Variants in ADCY8 observed in about 807,000 individuals in gnomAD.
ADCY8 encodes adenylate cyclase type 8.
A neutral mutation model predicts 119.7 loss-of-function variants in ADCY8; 51 were observed. The observed-to-expected ratio is 0.43, with a 90% CI of 0.34 to 0.54. The LOEUF is 0.54. Ranked by LOEUF, ADCY8 falls within the 20% of genes least tolerant of loss-of-function variation. The pLI, the probability that ADCY8 is intolerant of heterozygous loss-of-function variation, is 0.03. For missense variants in ADCY8, 1,383 were observed against 1,598.8 expected (o/e 0.87, Z 2.30); for synonymous variants, 665 against 651.0 (o/e 1.02, Z -0.33).
At chr8:130,912,481 A>T (rs1283858679) in intron 5 of ADCY8, among the ~76,000 whole-genome samples, 2 of 152,222 alleles carry the variant, frequency 1.3e-5, no homozygotes, top group African/African-American at 4.8e-5. Context: ...AGCCTGGAGC[A>T]TCCTGCTTTC....
chr8:130,994,029 T>C (rs956775918), intron 1 of ADCY8, among the ~76,000 whole-genome samples: 3 of 152,246 alleles, frequency 2.0e-5, no homozygotes, highest in Non-Finnish European at 4.4e-5. Flanking sequence ...CTGAAAGCTC[T>C]GCTTTTGTCT....
chr8:130,944,825 A>G (rs1821060317), intron 3 of ADCY8, among the ~76,000 whole-genome samples: 1 of 152,190 alleles, frequency 6.6e-6, no homozygotes, highest in African/African-American at 2.4e-5. Context: ...TAGGCACTGG[A>G]CTAGAAAGTT....
intron 5 of ADCY8, among the ~76,000 whole-genome samples, chr8:130,926,867 A>T (rs1263139811): frequency 6.6e-6 from 1 of 151,876 alleles, no homozygotes; most frequent in Non-Finnish European, 1.5e-5. Context: ...ATTTTTTAAC[A>T]TAATGTCCAC....
rs974180134 is a variant in ADCY8, at chr8:130,839,737, A to G, written c.2503-3288T>C. Reference sequence around the variant, plus strand: ...CCCACAGCTCCTAAAGTGTCCCCTAAATGGATCCTGGGTATAAGGGGCTCA... The same window carrying G: ...CCCACAGCTCCTAAAGTGTCCCCTAGATGGATCCTGGGTATAAGGGGCTCA... On this transcript the variant is annotated intron_variant, in intron 11 of 17. Coordinates refer to ENST00000286355, the MANE Select transcript of ADCY8 (RefSeq NM_001115.3). Among the ~76,000 whole-genome samples, 3 of 140,086 alleles carry G rather than the reference A, an allele frequency of 2.1e-5. 1 individual carries two copies. Among genetic ancestry groups the G allele is most frequent in the East Asian group, 2.2e-4 (1 of 4,528 alleles). The allele number at this position is 140,086 out of a possible 152,430, so 91.9% of individuals were successfully genotyped here. A position where few individuals can be genotyped will look rare whatever the true frequency, so the allele number is the denominator to read the frequency against.
At chr8:130,811,510 T>C (rs1816165461) in intron 14 of ADCY8, among the ~76,000 whole-genome samples, 1 of 152,240 alleles carries the variant, frequency 6.6e-6, no homozygotes, top group African/African-American at 2.4e-5. Context: ...ATTCTTGTCC[T>C]AAGGGTTTTT....
rs532847099 is a variant in ADCY8, at chr8:130,864,595, C to T, written c.2210+3251G>A. Among the ~76,000 whole-genome samples the T allele has an allele frequency of 6.6e-5, 10 of 152,202 alleles. No homozygotes were observed. The South Asian group carries it at 1.0e-3, about 16-fold the overall frequency. On this transcript the variant is annotated intron_variant, in intron 9 of 17. Coordinates refer to ENST00000286355, the MANE Select transcript of ADCY8 (RefSeq NM_001115.3). The stretch of plus-strand genomic sequence containing the variant: ...TTCAGTTAGGGAAGTTTCTATTGAC[C>T]TGTCTTCAAGCCTACTGATTATTTC...
Position 130,909,811 on chromosome 8 carries a change from C to T in ADCY8, c.1537G>A (p.Gly513Ser), listed in dbSNP as rs933040675. The T allele has an allele frequency of 2.5e-6, 4 of 1,614,042 alleles. No individual in the cohort carries two copies. Among genetic ancestry groups the T allele is most frequent in the South Asian group, 1.1e-5 (1 of 91,090 alleles). ...CCCAAAACACCGCACAGCACCGAGC[C>T]GGAGTGGATTCCAATCCTCATGTCA... ...DVDMRIGIHS[G>S]SVLCGVLGLR... Residue 513 changes from glycine to serine, a missense_variant, in exon 6 of 18, where the codon GGC becomes AGC. This residue lies in a region of ADCY8 where 928 missense variants were observed against 1,163.5 expected (regional missense o/e 0.80). Transcript: ENST00000286355.
At chr8:130,822,419 C>A (rs146811665) in intron 12 of ADCY8, among the ~76,000 whole-genome samples, 5 of 152,242 alleles carry the variant, frequency 3.3e-5, no homozygotes, top group Non-Finnish European at 5.9e-5. Context: ...ACAGAGCTGT[C>A]CACTGTGAGT....
intron 11 of ADCY8, among the ~76,000 whole-genome samples, chr8:130,838,011 G>T (rs1817040263): frequency 6.6e-6 from 1 of 152,216 alleles, no homozygotes; most frequent in Non-Finnish European, 1.5e-5. Context: ...ATACATGGCT[G>T]TTTGTAACAA....
chr8:130,926,940 CATAT>C (rs10572208), intron 5 of ADCY8, among the ~76,000 whole-genome samples: 40 of 144,956 alleles, frequency 2.8e-4, no homozygotes, highest in African/African-American at 5.8e-4. Flanking sequence ...TATTCCATTA[CATAT>C]ATATATATAT....
intron 8 of ADCY8, among the ~76,000 whole-genome samples, chr8:130,869,349 AG>A (rs934730901): frequency 6.6e-6 from 1 of 152,188 alleles, no homozygotes; most frequent in African/African-American, 2.4e-5. Flanking sequence ...ACCCAAGAAC[AG>A]GTCACAATCA....
At chr8:130,914,883 C>G (rs972698328) in intron 5 of ADCY8, among the ~76,000 whole-genome samples, 1 of 152,200 alleles carries the variant, frequency 6.6e-6, no homozygotes, top group South Asian at 2.1e-4. Context: ...GCTCAGCACA[C>G]AGACATAGTC....
intron 8 of ADCY8, among the ~76,000 whole-genome samples, chr8:130,870,935 G>C (rs1232258245): frequency 6.6e-6 from 1 of 150,902 alleles, no homozygotes; most frequent in Non-Finnish European, 1.5e-5. Context: ...CATAAGTTTG[G>C]CGTTAATGTA....
At chr8:130,856,529 C>T (rs1269809168) in intron 9 of ADCY8, among the ~76,000 whole-genome samples, 1 of 152,164 alleles carries the variant, frequency 6.6e-6, no homozygotes, top group African/African-American at 2.4e-5. Context: ...ACACTCACAG[C>T]TCGCCACCCC....
At chr8:130,832,601 C>A (rs1450880387) in intron 12 of ADCY8, among the ~76,000 whole-genome samples, 1 of 151,970 alleles carries the variant, frequency 6.6e-6, no homozygotes, top group Non-Finnish European at 1.5e-5. Flanking sequence ...CCATTGATAG[C>A]AAAGAGTAAG....
chr8:130,941,578 T>G (rs1419564755), intron 4 of ADCY8, among the ~76,000 whole-genome samples: 1 of 152,192 alleles, frequency 6.6e-6, no homozygotes, highest in Non-Finnish European at 1.5e-5. Context: ...ATGGTATACA[T>G]GTTTTCCCCC....
chr8:130,801,898 C>A (rs1300417422), intron 14 of ADCY8, among the ~76,000 whole-genome samples: 1 of 87,806 alleles, frequency 1.1e-5, no homozygotes, highest in African/African-American at 4.6e-5. Context: ...TTTGAGAATG[C>A]CTTTTTTTTT....
chr8:130,972,869 T>C (rs1821965046), intron 2 of ADCY8, among the ~76,000 whole-genome samples: 1 of 149,964 alleles, frequency 6.7e-6, no homozygotes, highest in Non-Finnish European at 1.5e-5. Flanking sequence ...CCATCTGGGA[T>C]AAGGAGATAA....
intron 7 of ADCY8, among the ~76,000 whole-genome samples, chr8:130,901,853 G>A (rs1819614691): frequency 6.6e-6 from 1 of 151,920 alleles, no homozygotes; most frequent in Non-Finnish European, 1.5e-5. Context: ...AAAAATACAC[G>A]GTATGGTTAA....
Sources: gnomAD v4.1 joint callset for allele counts (sites outside exome capture counted in the v4.1 genomes callset) on GRCh38, gnomAD v4.1.1 for gene constraint, gnomAD v4.1.1 regional missense constraint, MANE v1.5 for transcripts, NCBI Gene and HGNC (gene_info 2026-07-23, HGNC 2026-07-21) for gene names.